Variants in TRMT9B observed in about 807,000 individuals in gnomAD.
The protein encoded by TRMT9B is probable tRNA methyltransferase 9B.
In TRMT9B, 16 loss-of-function variants were observed where a neutral mutation model predicts 11.5. The ratio of observed to expected loss-of-function variants is 1.39; its 90% CI spans 0.94 to 2.11. The LOEUF (loss-of-function observed/expected upper bound fraction) is 2.11, where lower values mean the gene tolerates loss of function less well. Among genes scored for constraint, TRMT9B ranks in the 30% most tolerant of loss-of-function variants. The pLI is 0.00. For missense variants in TRMT9B, 941 were observed against 553.8 expected, an observed-to-expected ratio of 1.70 and a Z score of -7.02; for synonymous variants, 274 against 192.4, an observed-to-expected ratio of 1.42 and a Z score of -3.51.
At chr8:13,006,419 C>T in intron 3 of TRMT9B, 63 bp downstream of exon 3, 1 of 1,522,392 alleles carries the variant, frequency 6.6e-7, no homozygotes, top group Non-Finnish European at 8.8e-7. Flanking sequence ...ACATAGGTAA[C>T]CAGGCAGCCT....
chr8:12,954,127 T>C lies in TRMT9B; in HGVS notation c.-200+8161T>C, dbSNP rs1031309665. Among the ~76,000 whole-genome samples, 10 of 152,322 alleles carry C rather than the reference T, an allele frequency of 6.6e-5. No individual in the cohort carries two copies. In the South Asian group the frequency reaches 8.3e-4, roughly 13 times the overall value. On this transcript the variant is annotated intron_variant, in intron 1 of 4. Coordinates refer to ENST00000524591, the MANE Select transcript of TRMT9B (RefSeq NM_020844.3). ...ACCCTGTGTGAATGGTTAACTCTAC[T>C]TTAAATTGGAAGGTCAATGGGAGTG... is the stretch of plus-strand genomic sequence containing the variant.
intron 3 of TRMT9B, among the ~76,000 whole-genome samples, chr8:13,009,482 ATCT>A (rs1563419393): frequency 6.6e-6 from 1 of 152,150 alleles, no homozygotes; most frequent in Admixed American, 6.5e-5. Flanking sequence ...TTAGTGTAAA[ATCT>A]TCTCCCATCC....
At chr8:12,956,028 C>G (rs1385617480) in intron 1 of TRMT9B, among the ~76,000 whole-genome samples, 1 of 152,174 alleles carries the variant, frequency 6.6e-6, no homozygotes, top group African/African-American at 2.4e-5. Context: ...AACATTGCTA[C>G]CAACAACAAA....
chr8:12,998,033 G>A (rs78111394), intron 2 of TRMT9B, among the ~76,000 whole-genome samples: 10,133 of 152,072 alleles, frequency 0.067, 460 homozygotes, highest in African/African-American at 0.12. Context: ...TTTCCTGCCC[G>A]TCTCCTGACC....
chr8:12,978,918 C>T (rs1020151287), intron 1 of TRMT9B, among the ~76,000 whole-genome samples: 23 of 152,172 alleles, frequency 1.5e-4, no homozygotes, highest in African/African-American at 4.8e-4. Context: ...AATCTGTATG[C>T]GTGGATACTT....
chr8:12,991,441 T>C (rs539805027), intron 2 of TRMT9B, among the ~76,000 whole-genome samples: 5 of 152,344 alleles, frequency 3.3e-5, no homozygotes, highest in African/African-American at 1.2e-4. Context: ...AAGTTGTCTT[T>C]TAACTGTTCG....
At chr8:12,968,717 G>A (rs555178657) in intron 1 of TRMT9B, among the ~76,000 whole-genome samples, 3 of 152,256 alleles carry the variant, frequency 2.0e-5, no homozygotes, top group Admixed American at 6.5e-5. Context: ...CCTGAGTCGC[G>A]AGAGTGCACC....
Position 12,991,045 on chromosome 8 carries a change from A to C in TRMT9B, c.-2+14A>C, listed in dbSNP as rs1037544094. The C allele has an allele frequency of 5.0e-6, 6 of 1,194,698 alleles. No individual in the cohort carries two copies. In the African/African-American group the frequency reaches 9.4e-5, roughly 19 times the overall value. 74.0% of individuals were successfully genotyped at this position (1,194,698 alleles called of 1,614,324 possible). On this transcript the variant is annotated intron_variant, in intron 2 of 4. Coordinates refer to ENST00000524591, the MANE Select transcript of TRMT9B (RefSeq NM_020844.3). The stretch of plus-strand genomic sequence containing the variant: ...AGGATGACTCAGGTTAGTAGCTTTC[A>C]GCGCTTCTGCAACTCACATACCATG...
At chr8:12,992,444 C>A (rs1393778438) in intron 2 of TRMT9B, among the ~76,000 whole-genome samples, 1 of 151,776 alleles carries the variant, frequency 6.6e-6, no homozygotes, top group African/African-American at 2.4e-5. Context: ...CAGTGGTTCA[C>A]CATCAGAGGA....
intron 1 of TRMT9B, among the ~76,000 whole-genome samples, chr8:12,987,282 T>A (rs937613141): frequency 6.6e-6 from 1 of 152,216 alleles, no homozygotes; most frequent in African/African-American, 2.4e-5. Flanking sequence ...AGTCAATGTG[T>A]TAAATGCTTA....
intron 2 of TRMT9B, among the ~76,000 whole-genome samples, chr8:13,005,132 G>A (rs886691402): frequency 2.6e-5 from 4 of 151,722 alleles, no homozygotes; most frequent in Non-Finnish European, 4.4e-5. Flanking sequence ...CCTGTCATTC[G>A]CAATAACATG....
chr8:12,983,086 A>G (rs1805680058), intron 1 of TRMT9B, among the ~76,000 whole-genome samples: 1 of 152,196 alleles, frequency 6.6e-6, no homozygotes, highest in African/African-American at 2.4e-5. Context: ...TGTGGTGTAA[A>G]GATATTGTTG....
At chr8:12,975,583 A>C (rs1040937860) in intron 1 of TRMT9B, among the ~76,000 whole-genome samples, 3 of 151,986 alleles carry the variant, frequency 2.0e-5, no homozygotes, top group Non-Finnish European at 2.9e-5. Flanking sequence ...TTAAAAATAC[A>C]AAAAATTAGC....
chr8:13,012,136 C>T (rs1184059700), intron 3 of TRMT9B: 2 of 985,544 alleles, frequency 2.0e-6, no homozygotes, highest in African/African-American at 3.5e-5. Flanking sequence ...TGGACATCAC[C>T]TCATTAAATA....
At chr8:12,979,870 T>C (rs939440489) in intron 1 of TRMT9B, among the ~76,000 whole-genome samples, 53 of 152,156 alleles carry the variant, frequency 3.5e-4, no homozygotes, top group African/African-American at 1.3e-3. Flanking sequence ...GTAGGGACTG[T>C]ACAGAATCAA....
intron 1 of TRMT9B, among the ~76,000 whole-genome samples, chr8:12,976,322 G>C (rs1157026620): frequency 6.6e-6 from 1 of 152,044 alleles, no homozygotes; most frequent in Non-Finnish European, 1.5e-5. Context: ...ATTTTTAGGT[G>C]AGGAAGACAT....
At chr8:12,972,665 T>C (rs1023269080) in intron 1 of TRMT9B, among the ~76,000 whole-genome samples, 2 of 151,800 alleles carry the variant, frequency 1.3e-5, no homozygotes, top group Non-Finnish European at 2.9e-5. Context: ...CACAAAGCGG[T>C]GTGTAGGAGG....
chr8:13,012,039 C>T, intron 3 of TRMT9B: 3 of 985,358 alleles, frequency 3.0e-6, no homozygotes, highest in Non-Finnish European at 3.6e-6. Context: ...AGCTTAGAGG[C>T]TACACGTGGT....
chr8:13,012,182 C>G (rs966756281), intron 3 of TRMT9B: 111 of 985,150 alleles, frequency 1.1e-4, no homozygotes, highest in Non-Finnish European at 1.3e-4. Flanking sequence ...TTGCCTTTCT[C>G]TCTTCTATAT....
Sources: gnomAD v4.1 joint callset for allele counts (sites outside exome capture counted in the v4.1 genomes callset) on GRCh38, gnomAD v4.1.1 for gene constraint, MANE v1.5 for transcripts, NCBI Gene and HGNC (gene_info 2026-07-23, HGNC 2026-07-21) for gene names.